UTRN: variants seen among roughly 807,000 people sequenced by gnomAD.
UTRN encodes the protein dystrophin-related protein 1.
Under a neutral mutation model 463.9 loss-of-function variants are expected in UTRN, and 283 were observed. The ratio of observed to expected loss-of-function variants is 0.61; its 90% CI spans 0.55 to 0.67. UTRN has a LOEUF of 0.67. Among genes scored for constraint, UTRN ranks in the 30% least tolerant of loss-of-function variants. The pLI is 0.00. For missense variants in UTRN, 3,922 were observed against 4,084.3 expected (o/e 0.96, Z 1.08); for synonymous variants, 1,442 against 1,431.5 (o/e 1.01, Z -0.17).
chr6:144,429,592 C>A lies in UTRN; in HGVS notation c.706C>A (p.Gln236Lys). 1 of 1,600,026 alleles carries A rather than the reference C, an allele frequency of 6.2e-7. No individual in the cohort carries two copies. Residue 236 changes from glutamine to lysine, a missense_variant, in exon 9 of 75, where the codon CAG (glutamine) becomes AAG (lysine). Transcript: ENST00000367545. ...TCTTCCACTTTTAGATGTTGCCGTT[C>A]AGCTTCCTGACAAGAAATCCATAAT... is the stretch of plus-strand genomic sequence containing the variant. ...KLLDPEDVAV[Q>K]LPDKKSIIMY...
intron 51 of UTRN, among the ~76,000 whole-genome samples, chr6:144,582,147 T>G (rs1384041018): frequency 6.6e-6 from 1 of 152,128 alleles, no homozygotes; most frequent in African/African-American, 2.4e-5. Flanking sequence ...AGACACAATA[T>G]AGGACTTTAA....
At chr6:144,648,320 G>C (rs1319731686) in intron 51 of UTRN, among the ~76,000 whole-genome samples, 1 of 152,114 alleles carries the variant, frequency 6.6e-6, no homozygotes, top group East Asian at 1.9e-4. Context: ...TTTCTTGTTT[G>C]GTTGGGAAAT....
intron 41 of UTRN, among the ~76,000 whole-genome samples, chr6:144,530,358 C>T (rs567185370): frequency 6.6e-6 from 1 of 152,304 alleles, no homozygotes; most frequent in East Asian, 1.9e-4. Context: ...GAGCCCCACA[C>T]TTATGACCTC....
At chr6:144,841,504 C>T (rs1269097609) in intron 73 of UTRN, among the ~76,000 whole-genome samples, 1 of 152,122 alleles carries the variant, frequency 6.6e-6, no homozygotes, top group African/African-American at 2.4e-5. Context: ...GTCTTCAGCA[C>T]CTTGCCACCT....
At chr6:144,835,221 G>A (rs1386135089) in intron 69 of UTRN, among the ~76,000 whole-genome samples, 1 of 152,170 alleles carries the variant, frequency 6.6e-6, no homozygotes, top group African/African-American at 2.4e-5. Flanking sequence ...AATGCAGAGT[G>A]ATCAACCCTA....
intron 51 of UTRN, among the ~76,000 whole-genome samples, chr6:144,621,815 C>G (rs1562662312): frequency 1.3e-5 from 2 of 152,112 alleles, no homozygotes; most frequent in Admixed American, 6.6e-5. Context: ...AATTGTTAAG[C>G]TGATCTGTTT....
At position 144,437,706 on chromosome 6, in the gene UTRN, T is replaced by C. The variant is rs1786710827; in HGVS notation, c.1201T>C (p.Trp401Arg). The C allele has an allele frequency of 2.5e-6, 4 of 1,613,926 alleles. No individual in the cohort carries two copies. Among genetic ancestry groups the C allele is most frequent in the South Asian group, 2.2e-5 (2 of 91,064 alleles). The change falls in exon 11 of 75, where the codon TGG (tryptophan) becomes CGG (arginine). Residue 401 changes from tryptophan to arginine, a missense_variant. This residue lies in a region of UTRN where 2,349 missense variants were observed against 2,303.8 expected (regional missense o/e 1.02). Coordinates refer to ENST00000367545, the MANE Select transcript of UTRN (RefSeq NM_007124.3). Reference protein sequence around the residue: ...QEQMTLLNARWEALRVESMDR... With the variant: ...QEQMTLLNARREALRVESMDR... The stretch of plus-strand genomic sequence containing the variant: ...ACAGATGACCCTGCTGAATGCTAGA[T>C]GGGAGGCTCTTAGGGTGGAGAGTAT...
chr6:144,334,043 A>G (rs1382164166), intron 2 of UTRN, among the ~76,000 whole-genome samples: 1 of 152,208 alleles, frequency 6.6e-6, no homozygotes, highest in Non-Finnish European at 1.5e-5. Flanking sequence ...ATTAAAAGAA[A>G]TTATGTATCA....
intron 58 of UTRN, among the ~76,000 whole-genome samples, chr6:144,770,647 T>G (rs1372970328): frequency 6.6e-6 from 1 of 151,948 alleles, no homozygotes; most frequent in Non-Finnish European, 1.5e-5. Flanking sequence ...ATTCCATTTA[T>G]GTTTTAACCT....
chr6:144,614,673 C>G (rs1562652158), intron 51 of UTRN, among the ~76,000 whole-genome samples: 1 of 152,136 alleles, frequency 6.6e-6, no homozygotes, highest in Non-Finnish European at 1.5e-5. Context: ...TTACCAGCAG[C>G]ACTTCAGTTA....
At chr6:144,553,853 G>A (rs1020103819) in intron 48 of UTRN, among the ~76,000 whole-genome samples, 1 of 150,152 alleles carries the variant, frequency 6.7e-6, no homozygotes. Context: ...AGGTTGCAGC[G>A]AGCTGAAAGC....
chr6:144,827,090 A>G (rs1780248951), intron 66 of UTRN, among the ~76,000 whole-genome samples: 1 of 152,140 alleles, frequency 6.6e-6, no homozygotes, highest in Non-Finnish European at 1.5e-5. Flanking sequence ...ATGACTGTTT[A>G]AAGATGTGTT....
chr6:144,320,001 G>A (rs955367652), intron 2 of UTRN, among the ~76,000 whole-genome samples: 10 of 151,930 alleles, frequency 6.6e-5, no homozygotes, highest in Non-Finnish European at 8.8e-5. Flanking sequence ...TTACAGGCAC[G>A]TGCCACCACG....
At chr6:144,674,745 G>C (rs1448404525) in intron 51 of UTRN, among the ~76,000 whole-genome samples, 1 of 152,130 alleles carries the variant, frequency 6.6e-6, no homozygotes, top group African/African-American at 2.4e-5. Context: ...TTTGGGTAGA[G>C]ATGGGGTTTC....
At chr6:144,296,241 TC>T (rs200928342) in intron 2 of UTRN, among the ~76,000 whole-genome samples, 1,600 of 152,298 alleles carry the variant, frequency 0.011, 32 homozygotes, top group African/African-American at 0.037. Context: ...GAGCTCTGCC[TC>T]CTGTCAGATC....
intron 51 of UTRN, among the ~76,000 whole-genome samples, chr6:144,600,703 G>A (rs942477273): frequency 1.3e-5 from 2 of 152,254 alleles, no homozygotes; most frequent in African/African-American, 4.8e-5. Context: ...GCTGCAGCAA[G>A]TTATCCAGAA....
chr6:144,824,364 G>A (rs933819261), intron 66 of UTRN, among the ~76,000 whole-genome samples: 7 of 148,638 alleles, frequency 4.7e-5, no homozygotes, highest in Non-Finnish European at 3.0e-5. Flanking sequence ...CACTAAAAGG[G>A]TCATTAAGTT....
intron 54 of UTRN, among the ~76,000 whole-genome samples, chr6:144,737,322 C>T (rs1487118481): frequency 6.6e-6 from 1 of 152,072 alleles, no homozygotes; most frequent in Non-Finnish European, 1.5e-5. Flanking sequence ...AGTGACAGGA[C>T]AGGGACAAAG....
intron 73 of UTRN, among the ~76,000 whole-genome samples, chr6:144,842,110 C>CAAAAAAAA (rs35954430): frequency 3.2e-5 from 2 of 62,102 alleles, no homozygotes; most frequent in African/African-American, 9.4e-5. Context: ...ACTTCCTCTC[C>CAAAAAAAA]AAAAAAAAAA....
Sources: gnomAD v4.1 joint callset for allele counts (sites outside exome capture counted in the v4.1 genomes callset) on GRCh38, gnomAD v4.1.1 for gene constraint, gnomAD v4.1.1 regional missense constraint, MANE v1.5 for transcripts, NCBI Gene and HGNC (gene_info 2026-07-23, HGNC 2026-07-21) for gene names.